The following CLIP1 variants were observed in gnomAD, a reference collection of about 807,000 sequenced individuals.
CLIP1 encodes the protein CAP-Gly domain-containing linker protein 1.
Under a neutral mutation model 161.6 loss-of-function variants are expected in CLIP1, and 66 were observed. The ratio of observed to expected loss-of-function variants is 0.41; its 90% CI spans 0.33 to 0.50. The LOEUF is 0.50. Ranked by LOEUF, CLIP1 falls within the 20% of genes least tolerant of loss-of-function variation. CLIP1 has a pLI of 0.27. For synonymous variants in CLIP1, 598 were observed against 626.2 expected (o/e 0.96, Z 0.67); for missense variants, 1,376 against 1,702.0 (o/e 0.81, Z 3.37).
At chr12:122,333,483 CCCA>C (rs1952080234) in intron 14 of CLIP1, among the ~76,000 whole-genome samples, 1 of 152,032 alleles carries the variant, frequency 6.6e-6, no homozygotes, top group Admixed American at 6.6e-5. Context: ...GAAAGGAACA[CCCA>C]CCACGTCTGA....
chr12:122,378,549 A>T lies in CLIP1; in HGVS notation c.86-589T>A, dbSNP rs114399289. On this transcript the variant is annotated intron_variant, in intron 2 of 25. Coordinates refer to ENST00000620786, the MANE Select transcript of CLIP1 (RefSeq NM_001247997.2). ...TTAGAAAAAGTCAAAGTAAGAAAAA[A>T]ATAAAATCAGTCCTTTTTCCAGGCC... 9.9e-3 allele frequency among the ~76,000 whole-genome samples: 1,509 copies of T among 152,318 alleles called. 16 individuals carry two copies. The highest frequency in any genetic ancestry group is 0.034 in the African/African-American group (1,433 of 41,576).
chr12:122,370,775 G>A (rs1954405311), intron 3 of CLIP1, among the ~76,000 whole-genome samples: 1 of 151,972 alleles, frequency 6.6e-6, no homozygotes, highest in Non-Finnish European at 1.5e-5. Flanking sequence ...AGGCATCTGA[G>A]CTTCCACAGG....
chr12:122,401,214 A>G (rs529870813), intron 1 of CLIP1, among the ~76,000 whole-genome samples: 82 of 152,136 alleles, frequency 5.4e-4, no homozygotes, highest in Non-Finnish European at 1.0e-3. Flanking sequence ...ACTGGCCTGG[A>G]TCCTTTTCTA....
intron 3 of CLIP1, among the ~76,000 whole-genome samples, chr12:122,371,701 G>A (rs1014109223): frequency 1.3e-5 from 2 of 152,204 alleles, no homozygotes; most frequent in African/African-American, 4.8e-5. Context: ...AGGATGGACA[G>A]TGAGACCAGA....
intron 19 of CLIP1, among the ~76,000 whole-genome samples, chr12:122,315,443 C>T (rs1241471424): frequency 2.0e-5 from 3 of 152,134 alleles, no homozygotes; most frequent in Non-Finnish European, 4.4e-5. Context: ...CGTAACTATC[C>T]TTTAAAATGT....
intron 5 of CLIP1, among the ~76,000 whole-genome samples, chr12:122,357,313 G>A (rs1423730168): frequency 6.6e-6 from 1 of 151,560 alleles, no homozygotes; most frequent in East Asian, 2.0e-4. Context: ...GGTGAGGAGC[G>A]TCTCTGCCCG....
chr12:122,278,098 G>C, intron 24 of CLIP1, 56 bp downstream of exon 24: 1 of 1,494,610 alleles, frequency 6.7e-7, no homozygotes, highest in Non-Finnish European at 9.2e-7. Context: ...TAAACGAAAA[G>C]ATTCAATGAT....
At position 122,272,692 on chromosome 12, in the gene CLIP1, T is replaced by C. The variant is rs1284115503; in HGVS notation, c.*183A>G. On this transcript the variant is annotated 3_prime_UTR_variant, in exon 26 of 26. Transcript: ENST00000620786. The stretch of plus-strand genomic sequence containing the variant: ...TGAAAACTCACCTACTAAATATTTA[T>C]TATTCTAACTCATACGGGGAGACTA... 3 of 585,940 alleles carry C rather than the reference T, an allele frequency of 5.1e-6. No homozygotes were observed. The Admixed American group carries it at 9.2e-5, about 18-fold the overall frequency. 36.3% of individuals were successfully genotyped at this position (585,940 alleles called of 1,614,324 possible).
chr12:122,347,885 C>T (rs776842183), intron 9 of CLIP1, among the ~76,000 whole-genome samples: 1 of 152,180 alleles, frequency 6.6e-6, no homozygotes, highest in Non-Finnish European at 1.5e-5. Context: ...GTGTATGTAA[C>T]TGACTCGATA....
intron 17 of CLIP1, among the ~76,000 whole-genome samples, chr12:122,326,929 T>C (rs1393806443): frequency 1.3e-5 from 2 of 152,180 alleles, no homozygotes; most frequent in Non-Finnish European, 2.9e-5. Context: ...GCCTCCCAGA[T>C]GACATGCACG....
At chr12:122,360,910 C>CT (rs1422595686) in intron 5 of CLIP1, 49 bp downstream of exon 5, 1 of 1,509,332 alleles carries the variant, frequency 6.6e-7, no homozygotes, top group Non-Finnish European at 9.0e-7. Context: ...GACCACGGGC[C>CT]TTAATCCTGC....
At chr12:122,381,812 A>T (rs1955023908) in intron 1 of CLIP1, among the ~76,000 whole-genome samples, 1 of 152,222 alleles carries the variant, frequency 6.6e-6, no homozygotes, top group Non-Finnish European at 1.5e-5. Context: ...CATGTCCCCC[A>T]GCACCTGTGA....
rs1952057945 is a variant in CLIP1, at chr12:122,333,044, G to A, written c.2810C>T (p.Ser937Leu). 1 of 1,613,536 alleles carries A rather than the reference G, an allele frequency of 6.2e-7. No individual in the cohort carries two copies. Among genetic ancestry groups the A allele is most frequent in the African/African-American group, 1.3e-5 (1 of 74,894 alleles). The part of the protein sequence containing the change: ...ENDIAEIMKM[S>L]GDNSSQLTKM... ...TGTCAGCTGAGAAGAGTTATCTCCT[G>A]ACATCTTCATTATTTCTGCAATGTC... is the stretch of plus-strand genomic sequence containing the variant. The change falls in exon 15 of 26, where the codon TCA becomes TTA. Residue 937 changes from serine to leucine, a missense_variant. Ser to Leu is a moderately radical substitution (Grantham distance 145). Around this residue, in one of 6 missense-constraint regions of CLIP1, gnomAD observed 948 missense variants for 1,134.8 expected, o/e 0.84. Coordinates refer to ENST00000620786, the MANE Select transcript of CLIP1 (RefSeq NM_001247997.2).
intron 3 of CLIP1, among the ~76,000 whole-genome samples, chr12:122,373,429 AAAG>A (rs1399818953): frequency 6.8e-6 from 1 of 147,354 alleles, no homozygotes; most frequent in African/African-American, 2.5e-5. Flanking sequence ...GTCTCAAAAA[AAAG>A]AAAAAAAAAA....
At chr12:122,419,485 AG>A (rs1956862917) in intron 1 of CLIP1, among the ~76,000 whole-genome samples, 1 of 152,158 alleles carries the variant, frequency 6.6e-6, no homozygotes, top group Non-Finnish European at 1.5e-5. Flanking sequence ...TATCTATTCA[AG>A]GAAGACCAGA....
intron 1 of CLIP1, among the ~76,000 whole-genome samples, chr12:122,387,573 TATATATATATA>T (rs1955361018): frequency 2.6e-4 from 1 of 3,910 alleles, no homozygotes; most frequent in African/African-American, 4.6e-4. Flanking sequence ...TATATATATA[TATATATATATA>T]TATATATTTT....
chr12:122,277,881 C>T (rs1422568679), intron 24 of CLIP1: 4 of 409,574 alleles, frequency 9.8e-6, no homozygotes, highest in Non-Finnish European at 1.7e-5. Context: ...GGCTTGTATA[C>T]ACACTTTAAA....
At chr12:122,285,029 C>T (rs1192895765) in intron 21 of CLIP1, among the ~76,000 whole-genome samples, 1 of 152,146 alleles carries the variant, frequency 6.6e-6, no homozygotes, top group East Asian at 1.9e-4. Context: ...GAGTGCACTA[C>T]AGCACTGAAT....
chr12:122,295,667 A>T (rs1950439678), intron 20 of CLIP1, among the ~76,000 whole-genome samples: 1 of 152,058 alleles, frequency 6.6e-6, no homozygotes. Context: ...TTCCTTCTTC[A>T]TCTCTGCATA....
Sources: allele counts gnomAD v4.1 joint callset (sites outside exome capture counted in the v4.1 genomes callset), GRCh38; gene constraint gnomAD v4.1.1; regional missense constraint gnomAD v4.1.1; transcripts MANE v1.5; gene names NCBI Gene and HGNC (gene_info 2026-07-23, HGNC 2026-07-21).